The following RGS8 variants were observed in gnomAD, a reference collection of about 807,000 sequenced individuals.
RGS8 encodes the protein regulator of G protein signaling 8.
Under a neutral mutation model 21.7 loss-of-function variants are expected in RGS8, and 8 were observed. The observed-to-expected ratio is 0.37, with a 90% confidence interval of 0.22 to 0.66. The LOEUF is 0.66. Among genes scored for constraint, RGS8 ranks in the 30% least tolerant of loss-of-function variants. RGS8 has a pLI of 0.59. For missense variants in RGS8, 157 were observed against 217.9 expected (o/e 0.72, Z 1.76); for synonymous variants, 80 against 83.6 (o/e 0.96, Z 0.24).
chr1:182,656,848 G>A (rs1663303898), intron 5 of RGS8, among the ~76,000 whole-genome samples: 1 of 152,196 alleles, frequency 6.6e-6, no homozygotes, highest in Non-Finnish European at 1.5e-5. Context: ...ACAAAGGCTT[G>A]TGCAGACTGC....
upstream of RGS8, among the ~76,000 whole-genome samples, chr1:182,674,552 C>T (rs959503226): frequency 2.0e-5 from 3 of 151,964 alleles, no homozygotes; most frequent in Non-Finnish European, 2.9e-5. Context: ...TAGTGCAGGC[C>T]CCGCTTACAA....
chr1:182,676,386 T>C (rs973457306), upstream of RGS8, among the ~76,000 whole-genome samples: 2 of 152,210 alleles, frequency 1.3e-5, no homozygotes, highest in African/African-American at 2.4e-5. Context: ...CTGGTCAGCA[T>C]GCTAAAGCTC....
intron 1 of RGS8, among the ~76,000 whole-genome samples, chr1:182,681,549 C>A (rs1232750681): frequency 4.6e-5 from 7 of 152,198 alleles, no homozygotes; most frequent in African/African-American, 1.4e-4. Flanking sequence ...AGCCATCAGA[C>A]CCAGGAGTGG....
chr1:182,679,218 G>T (rs1033747278), intron 1 of RGS8, among the ~76,000 whole-genome samples: 6 of 152,132 alleles, frequency 3.9e-5, no homozygotes, highest in Non-Finnish European at 7.4e-5. Flanking sequence ...CTGCTTGAAA[G>T]AGTCTCCTCT....
At chr1:182,703,748 G>A in the RGS8 span, among the ~76,000 whole-genome samples, 4 of 152,118 alleles carry the variant, frequency 2.6e-5, no homozygotes, top group African/African-American at 9.7e-5. Flanking sequence ...AAGCAGATTC[G>A]CCTCCCTAAT....
intron 5 of RGS8, among the ~76,000 whole-genome samples, chr1:182,656,622 C>A (rs1040448956): frequency 6.6e-6 from 1 of 152,186 alleles, no homozygotes; most frequent in Non-Finnish European, 1.5e-5. Flanking sequence ...AGCCTCAGCC[C>A]AAAATGTGGT....
chr1:182,652,403 G>A (rs183439001), intron 5 of RGS8, among the ~76,000 whole-genome samples: 3 of 152,152 alleles, frequency 2.0e-5, no homozygotes, highest in South Asian at 2.1e-4. Context: ...GTCTTTGTGC[G>A]GATGAGTAGA....
the RGS8 span, among the ~76,000 whole-genome samples, chr1:182,706,942 G>C: frequency 6.6e-6 from 1 of 151,964 alleles, no homozygotes; most frequent in East Asian, 1.9e-4. Flanking sequence ...CAGATCACCT[G>C]AGGTCAGGAG....
Position 182,646,930 on chromosome 1 carries a change from A to G in RGS8, c.361-13T>C. The G allele has an allele frequency of 6.2e-7, 1 of 1,609,674 alleles. No homozygotes were observed. Among genetic ancestry groups the G allele is most frequent in the Non-Finnish European group, 8.5e-7 (1 of 1,178,556 alleles). ...AGTCAATGTTTACCTAGAGATACAA[A>G]CAGAGAGCAAGGTCACAGGCCCTCA... On this transcript the variant is annotated splice_polypyrimidine_tract_variant and intron_variant, in intron 6 of 6. Coordinates refer to ENST00000483095, the Ensembl canonical transcript of RGS8.
exon 7 of RGS8, chr1:182,646,696 G>A: frequency 2.5e-5 from 39 of 1,554,994 alleles, no homozygotes; most frequent in Non-Finnish European, 3.3e-5. Flanking sequence ...AGCAAGTGGA[G>A]GGGAAAGCCG....
At chr1:182,752,111 A>T in the RGS8 span, among the ~76,000 whole-genome samples, 5 of 152,210 alleles carry the variant, frequency 3.3e-5, no homozygotes. Flanking sequence ...GCTGAGAAAC[A>T]TAAGAGCCAG....
At chr1:182,720,932 T>TACAC in the RGS8 span, among the ~76,000 whole-genome samples, 8 of 135,074 alleles carry the variant, frequency 5.9e-5, no homozygotes, top group Admixed American at 1.5e-4. Flanking sequence ...TATATACATA[T>TACAC]ATACATATAT....
the RGS8 span, among the ~76,000 whole-genome samples, chr1:182,695,278 C>T: frequency 6.6e-6 from 1 of 152,196 alleles, no homozygotes; most frequent in African/African-American, 2.4e-5. Flanking sequence ...CCTCCTACCA[C>T]TGTAGCAGAT....
chr1:182,676,940 A>C (rs1664381326), upstream of RGS8, among the ~76,000 whole-genome samples: 1 of 152,240 alleles, frequency 6.6e-6, no homozygotes, highest in Non-Finnish European at 1.5e-5. Context: ...ATTATATGCA[A>C]AGAAATGAGA....
At chr1:182,721,494 G>A in the RGS8 span, among the ~76,000 whole-genome samples, 3 of 152,144 alleles carry the variant, frequency 2.0e-5, no homozygotes, top group African/African-American at 7.2e-5. Flanking sequence ...ATGGCCACTG[G>A]CAGCAGTGTG....
chr1:182,737,955 T>C, the RGS8 span, among the ~76,000 whole-genome samples: 2 of 152,178 alleles, frequency 1.3e-5, no homozygotes, highest in African/African-American at 2.4e-5. Flanking sequence ...GAAGCCCTGA[T>C]TGCAGCCTTG....
chr1:182,740,959 T>C, the RGS8 span, among the ~76,000 whole-genome samples: 1 of 152,078 alleles, frequency 6.6e-6, no homozygotes, highest in Non-Finnish European at 1.5e-5. Flanking sequence ...TACCTCTTTC[T>C]ACACAGACAC....
the RGS8 span, among the ~76,000 whole-genome samples, chr1:182,718,273 T>G: frequency 6.6e-6 from 1 of 152,180 alleles, no homozygotes; most frequent in Non-Finnish European, 1.5e-5. Flanking sequence ...CAGACTTACA[T>G]CTGAGTCCTA....
the RGS8 span, among the ~76,000 whole-genome samples, chr1:182,732,814 C>A: frequency 6.6e-6 from 1 of 152,130 alleles, no homozygotes. Context: ...AGATGACAGC[C>A]ACAGTGAAAA....
Sources: allele counts gnomAD v4.1 joint callset (sites outside exome capture counted in the v4.1 genomes callset), GRCh38; gene constraint gnomAD v4.1.1; transcripts MANE v1.5; gene names NCBI Gene and HGNC (gene_info 2026-07-23, HGNC 2026-07-21).